EPHA3: variants seen among roughly 807,000 people sequenced by gnomAD.
EPHA3 encodes the protein ephrin type-A receptor 3.
In EPHA3, 42 loss-of-function variants were observed where a neutral mutation model predicts 107.1. The ratio of observed to expected loss-of-function variants is 0.39; its 90% CI spans 0.31 to 0.51. The LOEUF (loss-of-function observed/expected upper bound fraction) is 0.51, where lower values mean the gene tolerates loss of function less well. EPHA3 is among the 20% of genes least tolerant of loss of function. The pLI is 0.78. For missense variants in EPHA3, 1,183 were observed against 1,211.2 expected, an observed-to-expected ratio of 0.98 and a Z score of 0.35; for synonymous variants, 461 against 424.8, an observed-to-expected ratio of 1.09 and a Z score of -1.05.
intron 2 of EPHA3, among the ~76,000 whole-genome samples, chr3:89,182,307 G>A (rs1271082027): frequency 2.0e-5 from 3 of 151,940 alleles, no homozygotes; most frequent in African/African-American, 7.2e-5. Flanking sequence ...GTCCGGGAAT[G>A]TATAATTGCT....
At chr3:89,449,764 T>C (rs1355035015) in intron 14 of EPHA3, among the ~76,000 whole-genome samples, 1 of 152,196 alleles carries the variant, frequency 6.6e-6, no homozygotes, top group Non-Finnish European at 1.5e-5. Context: ...AAAAAATTAC[T>C]ATAATTTGGA....
chr3:89,324,244 C>T (rs1418678105), intron 3 of EPHA3, among the ~76,000 whole-genome samples: 1 of 150,712 alleles, frequency 6.6e-6, no homozygotes, highest in Non-Finnish European at 1.5e-5. Context: ...CTTGGCTCAC[C>T]GCAACCTCCA....
intron 3 of EPHA3, among the ~76,000 whole-genome samples, chr3:89,331,350 C>A (rs1004856530): frequency 6.6e-6 from 1 of 152,016 alleles, no homozygotes; most frequent in African/African-American, 2.4e-5. Flanking sequence ...ACATTTTTAT[C>A]CTGCCTTTTT....
At chr3:89,285,653 G>A (rs73846124) in intron 3 of EPHA3, among the ~76,000 whole-genome samples, 41,233 of 152,146 alleles carry the variant, frequency 0.27, 7,061 homozygotes, top group African/African-American at 0.49. Context: ...GGCCGGAAGA[G>A]TTGTTGGTAT....
chr3:89,379,660 A>T (rs1321255104), intron 5 of EPHA3, among the ~76,000 whole-genome samples: 1 of 152,190 alleles, frequency 6.6e-6, no homozygotes, highest in Non-Finnish European at 1.5e-5. Context: ...CGCCTATGTT[A>T]CAAATAAGTT....
chr3:89,409,162 C>G (rs184385713), intron 9 of EPHA3, among the ~76,000 whole-genome samples: 1 of 152,020 alleles, frequency 6.6e-6, no homozygotes, highest in South Asian at 2.1e-4. Flanking sequence ...CCAATTGCAG[C>G]GTCTATAAAA....
In EPHA3 at chr3:89,349,495, T is replaced by G. The variant is rs1469563059; in HGVS notation, c.1306+7405T>G. ...TAGATCTTCTTCCATCCTTTTATTT[T>G]GAGCCTATGTGTGTCTCTGCCCATG... On this transcript the variant is annotated intron_variant, in intron 5 of 16. Transcript: ENST00000336596. Among the ~76,000 whole-genome samples the G allele has an allele frequency of 1.1e-4, 16 of 149,588 alleles. No individual in the cohort carries two copies. The East Asian group carries it at 3.1e-3, about 29-fold the overall frequency.
At chr3:89,387,868 A>G (rs1708653932) in intron 5 of EPHA3, among the ~76,000 whole-genome samples, 1 of 152,110 alleles carries the variant, frequency 6.6e-6, no homozygotes, top group African/African-American at 2.4e-5. Context: ...ATAAATTATA[A>G]CAAAATTCTC....
chr3:89,202,555 A>ATG, intron 2 of EPHA3, among the ~76,000 whole-genome samples: 1 of 146,198 alleles, frequency 6.8e-6, no homozygotes. Context: ...ATATATATAT[A>ATG]TATATGAAAA....
At chr3:89,241,194 T>A (rs1457967006) in intron 3 of EPHA3, among the ~76,000 whole-genome samples, 1 of 152,088 alleles carries the variant, frequency 6.6e-6, no homozygotes, top group Non-Finnish European at 1.5e-5. Flanking sequence ...TTTCTTTTTG[T>A]TTTTCCTTAG....
Position 89,158,263 on chromosome 3 carries a change from C to T in EPHA3, c.153+30990C>T, listed in dbSNP as rs780589883. The stretch of plus-strand genomic sequence containing the variant: ...GAATGTTCTAAACCATTTTTAGATG[C>T]GTCTTTAAAAGTAGATTTATTTCTG... On this transcript the variant is annotated intron_variant, in intron 2 of 16. Transcript: ENST00000336596. Among the ~76,000 whole-genome samples the T allele has an allele frequency of 9.2e-5, 14 of 152,024 alleles. No individual in the cohort carries two copies. The East Asian group carries it at 1.6e-3, about 17-fold the overall frequency.
At chr3:89,341,153 G>A in intron 4 of EPHA3, 82 bp downstream of exon 4, 1 of 1,430,784 alleles carries the variant, frequency 7.0e-7, no homozygotes, top group South Asian at 1.4e-5. Context: ...TTGTTTTAAA[G>A]CATTTGGCCC....
chr3:89,309,251 C>T lies in EPHA3; in HGVS notation c.815-31665C>T, dbSNP rs145227743. On this transcript the variant is annotated intron_variant, in intron 3 of 16. Transcript: ENST00000336596. ...AAAGAGAAAGAATAGGATACTCTTT[C>T]CACAAATATTTTCAAGACGAAAACT... 7.1e-3 allele frequency among the ~76,000 whole-genome samples: 1,083 copies of T among 152,130 alleles called. 13 individuals carry two copies. Among genetic ancestry groups the T allele is most frequent in the Middle Eastern group, 0.02 (6 of 294 alleles).
At chr3:89,155,178 A>G (rs925021476) in intron 2 of EPHA3, among the ~76,000 whole-genome samples, 2 of 151,870 alleles carry the variant, frequency 1.3e-5, no homozygotes, top group African/African-American at 4.8e-5. Flanking sequence ...AAATCAATAC[A>G]TAATGAGAAC....
At chr3:89,246,040 T>TC (rs1705023840) in intron 3 of EPHA3, among the ~76,000 whole-genome samples, 1 of 152,210 alleles carries the variant, frequency 6.6e-6, no homozygotes, top group Admixed American at 6.5e-5. Flanking sequence ...AATTTTTTTT[T>TC]CATATTGTAT....
intron 2 of EPHA3, among the ~76,000 whole-genome samples, chr3:89,131,664 G>T (rs1365126765): frequency 6.6e-6 from 1 of 152,132 alleles, no homozygotes; most frequent in Non-Finnish European, 1.5e-5. Flanking sequence ...AGAGAGTGAG[G>T]ACTGGCAGGG....
chr3:89,232,282 G>A (rs187172120), intron 3 of EPHA3, among the ~76,000 whole-genome samples: 83 of 152,206 alleles, frequency 5.5e-4, no homozygotes, highest in Non-Finnish European at 9.7e-4. Context: ...GGTTGGGCAA[G>A]GAAGACTCAT....
intron 2 of EPHA3, among the ~76,000 whole-genome samples, chr3:89,139,398 A>G (rs1704379894): frequency 6.6e-6 from 1 of 151,810 alleles, no homozygotes; most frequent in South Asian, 2.1e-4. Context: ...ATAAATATGT[A>G]ATCTGTATCC....
intron 3 of EPHA3, among the ~76,000 whole-genome samples, chr3:89,271,626 A>G (rs1705670919): frequency 6.6e-6 from 1 of 151,970 alleles, no homozygotes; most frequent in Non-Finnish European, 1.5e-5. Flanking sequence ...ATCTCCATCC[A>G]TACCGATAGC....
Sources: gnomAD v4.1 joint callset for allele counts (sites outside exome capture counted in the v4.1 genomes callset) on GRCh38, gnomAD v4.1.1 for gene constraint, MANE v1.5 for transcripts, NCBI Gene and HGNC (gene_info 2026-07-23, HGNC 2026-07-21) for gene names.